The following PINX1 variants were observed in gnomAD, a reference collection of about 807,000 sequenced individuals.
The protein encoded by PINX1 is PIN2 (TERF1) interacting telomerase inhibitor 1, also known as PIN2/TERF1-interacting telomerase inhibitor 1.
PINX1 carries 34 observed loss-of-function variants against 25.4 expected under a neutral mutation model. That is an observed-to-expected ratio of 1.34 (90% CI 1.02 to 1.78). The LOEUF is 1.78. Among genes scored for constraint, PINX1 ranks in the 40% most tolerant of loss-of-function variants. The pLI is 0.00. For missense variants in PINX1, 592 were observed against 404.9 expected (o/e 1.46, Z -3.97); for synonymous variants, 197 against 147.7 (o/e 1.33, Z -2.42).
chr8:10,799,891 A>C (rs1272025974), intron 6 of PINX1, among the ~76,000 whole-genome samples: 1 of 152,240 alleles, frequency 6.6e-6, no homozygotes, highest in Non-Finnish European at 1.5e-5. Flanking sequence ...ACATGTTCTC[A>C]ACCACGGTCT....
At chr8:10,786,360 C>T (rs965690359) in intron 6 of PINX1, among the ~76,000 whole-genome samples, 3 of 152,158 alleles carry the variant, frequency 2.0e-5, no homozygotes, top group Non-Finnish European at 4.4e-5. Flanking sequence ...CACCAAGTAG[C>T]GTGGCTGTCT....
intron 4 of PINX1, among the ~76,000 whole-genome samples, chr8:10,826,884 G>C (rs1198855084): frequency 6.6e-6 from 1 of 152,254 alleles, no homozygotes; most frequent in Non-Finnish European, 1.5e-5. Context: ...GCATGAGGTT[G>C]CTGTGCCGTG....
chr8:10,779,240 C>T (rs2898248), intron 6 of PINX1, among the ~76,000 whole-genome samples: 76,872 of 152,022 alleles, frequency 0.51, 19,685 homozygotes, highest in Middle Eastern at 0.55. Context: ...AGATCCTGGG[C>T]GTCAGGTTCC....
intron 5 of PINX1, among the ~76,000 whole-genome samples, chr8:10,821,130 C>A (rs1360986451): frequency 6.6e-6 from 1 of 152,156 alleles, no homozygotes; most frequent in Non-Finnish European, 1.5e-5. Context: ...AGGCTCTGGG[C>A]GAGGGAGGTT....
chr8:10,831,266 G>A (rs941411120), intron 4 of PINX1, among the ~76,000 whole-genome samples: 3 of 152,208 alleles, frequency 2.0e-5, no homozygotes, highest in East Asian at 3.8e-4. Flanking sequence ...CAGAATAGTG[G>A]TTATTAGAGC....
At chr8:10,827,267 C>G (rs1426555204) in intron 4 of PINX1, among the ~76,000 whole-genome samples, 2 of 152,106 alleles carry the variant, frequency 1.3e-5, no homozygotes, top group Admixed American at 1.3e-4. Flanking sequence ...TTAGGTGACG[C>G]ATGGAGGAGC....
chr8:10,772,122 G>A (rs908658521), intron 6 of PINX1, among the ~76,000 whole-genome samples: 4 of 152,238 alleles, frequency 2.6e-5, no homozygotes, highest in African/African-American at 9.6e-5. Context: ...AACTGTTCTT[G>A]CTAAAGAAGA....
chr8:10,798,135 C>T lies in PINX1; in HGVS notation c.471+22058G>A, dbSNP rs146955551. On this transcript the variant is annotated intron_variant, in intron 6 of 6. Coordinates refer to ENST00000314787, the MANE Select transcript of PINX1 (RefSeq NM_017884.6). ...ATGTTTCTGGGATGTTTGTAGGACA[C>T]GGGTAGGCTGCCTTTGAATAAACTG... 1.3e-3 allele frequency among the ~76,000 whole-genome samples: 194 copies of T among 152,334 alleles called. 1 individual carries two copies. The highest frequency in any genetic ancestry group is 4.5e-3 in the African/African-American group (187 of 41,586).
At chr8:10,828,569 A>G (rs914901783) in intron 4 of PINX1, among the ~76,000 whole-genome samples, 3 of 152,208 alleles carry the variant, frequency 2.0e-5, no homozygotes, top group African/African-American at 4.8e-5. Context: ...CCGTGCCCTC[A>G]CAGAGCAGCT....
intron 1 of PINX1, among the ~76,000 whole-genome samples, chr8:10,837,920 T>A (rs1336718023): frequency 2.0e-5 from 3 of 152,218 alleles, no homozygotes; most frequent in Admixed American, 1.3e-4. Context: ...CAACCTACGT[T>A]AGAACTTAAA....
intron 6 of PINX1, among the ~76,000 whole-genome samples, chr8:10,815,475 G>C (rs1797669768): frequency 6.6e-6 from 1 of 152,186 alleles, no homozygotes; most frequent in Non-Finnish European, 1.5e-5. Context: ...TGCGCACAAA[G>C]AAAATTTACA....
intron 6 of PINX1, among the ~76,000 whole-genome samples, chr8:10,805,217 T>G (rs1449905884): frequency 6.6e-6 from 1 of 152,214 alleles, no homozygotes; most frequent in Non-Finnish European, 1.5e-5. Context: ...CAGGGCGTGC[T>G]TGGAGGAACC....
chr8:10,823,418 C>T (rs113142854), intron 5 of PINX1, among the ~76,000 whole-genome samples: 2 of 152,104 alleles, frequency 1.3e-5, no homozygotes, highest in Non-Finnish European at 2.9e-5. Flanking sequence ...CTCCTGCCAA[C>T]GTCTCACCAT....
At chr8:10,817,939 AT>A (rs1015750028) in intron 6 of PINX1, among the ~76,000 whole-genome samples, 15 of 122,600 alleles carry the variant, frequency 1.2e-4, no homozygotes, top group African/African-American at 4.5e-4. Context: ...TTAAAAAAAA[AT>A]TTTTTTTAAA....
At chr8:10,795,401 G>C (rs555444323) in intron 6 of PINX1, among the ~76,000 whole-genome samples, 2 of 152,288 alleles carry the variant, frequency 1.3e-5, no homozygotes, top group South Asian at 4.1e-4. Flanking sequence ...AAAATTAAAA[G>C]TCTCTCTCCC....
intron 6 of PINX1, chr8:10,787,799 G>A (rs1019294558): frequency 2.0e-5 from 9 of 455,912 alleles, no homozygotes; most frequent in African/African-American, 1.4e-4. Context: ...TGTAAGACAA[G>A]GAATCCAAGG....
intron 6 of PINX1, among the ~76,000 whole-genome samples, chr8:10,812,724 C>A (rs1255043886): frequency 6.6e-6 from 1 of 152,214 alleles, no homozygotes; most frequent in Non-Finnish European, 1.5e-5. Flanking sequence ...ACACCCAGGC[C>A]CGCACAGAGC....
chr8:10,785,917 T>C (rs2129074972), intron 6 of PINX1, among the ~76,000 whole-genome samples: 1 of 152,258 alleles, frequency 6.6e-6, no homozygotes, highest in African/African-American at 2.4e-5. Context: ...ACCCTGAAAA[T>C]CAAATTAAAG....
chr8:10,768,670 G>T (rs553665942), intron 6 of PINX1, among the ~76,000 whole-genome samples: 11 of 152,242 alleles, frequency 7.2e-5, no homozygotes, highest in African/African-American at 2.6e-4. Context: ...TCACAGAAAC[G>T]TGCCTATTTT....
Sources: gnomAD v4.1 joint callset for allele counts (sites outside exome capture counted in the v4.1 genomes callset) on GRCh38, gnomAD v4.1.1 for gene constraint, MANE v1.5 for transcripts, NCBI Gene and HGNC (gene_info 2026-07-23, HGNC 2026-07-21) for gene names.